Variants in MOB3B observed in about 807,000 individuals in gnomAD.
MOB3B encodes the protein MOB kinase activator-like 2B.
Under a neutral mutation model 18.7 loss-of-function variants are expected in MOB3B, and 7 were observed. The ratio of observed to expected loss-of-function variants is 0.37; its 90% CI spans 0.21 to 0.70. The LOEUF (loss-of-function observed/expected upper bound fraction) is 0.70. Ranked by LOEUF, MOB3B falls within the 30% of genes least tolerant of loss-of-function variation. The pLI is 0.52. For synonymous variants in MOB3B, 111 were observed against 99.9 expected (o/e 1.11, Z -0.66); for missense variants, 253 against 281.3 (o/e 0.90, Z 0.72).
intron 1 of MOB3B, among the ~76,000 whole-genome samples, chr9:27,490,748 G>C (rs569088468): frequency 1.2e-4 from 18 of 152,256 alleles, no homozygotes; most frequent in Middle Eastern, 3.4e-3. Context: ...TCACTCCAGT[G>C]CTCTTTACAC....
chr9:27,475,975 C>G (rs1208798626), intron 1 of MOB3B, among the ~76,000 whole-genome samples: 1 of 152,220 alleles, frequency 6.6e-6, no homozygotes, highest in African/African-American at 2.4e-5. Flanking sequence ...AATCAGGCCA[C>G]TGCCCTCTTC....
At chr9:27,483,718 G>A (rs2131480769) in intron 1 of MOB3B, among the ~76,000 whole-genome samples, 1 of 152,254 alleles carries the variant, frequency 6.6e-6, no homozygotes, top group East Asian at 1.9e-4. Context: ...GTTATGTTTG[G>A]TATGCTCGTG....
chr9:27,452,939 T>C (rs2131446674), intron 2 of MOB3B, among the ~76,000 whole-genome samples: 1 of 152,272 alleles, frequency 6.6e-6, no homozygotes, highest in East Asian at 1.9e-4. Flanking sequence ...AAAGCGTAAA[T>C]TCAAGAGATA....
At chr9:27,347,262 G>C (rs1821041207) in intron 3 of MOB3B, among the ~76,000 whole-genome samples, 1 of 152,234 alleles carries the variant, frequency 6.6e-6, no homozygotes, top group South Asian at 2.1e-4. Flanking sequence ...GCAAATTATA[G>C]AACCTGTGTG....
rs1434316980 is a variant in MOB3B at position 27,474,824 on chromosome 9, C to T, written c.-198-19076G>A. On this transcript the variant is annotated intron_variant, in intron 1 of 3. Transcript: ENST00000262244. Reference sequence around the variant, plus strand: ...TATATGAAATGTTAAAACATGCGTACTTTTTCCCTCAGCAAACCCACCTTT... The same window carrying T: ...TATATGAAATGTTAAAACATGCGTATTTTTTCCCTCAGCAAACCCACCTTT... Among the ~76,000 whole-genome samples, 3 of 152,198 alleles carry T rather than the reference C, an allele frequency of 2.0e-5. No homozygotes were observed. The South Asian group carries it at 6.2e-4, about 31-fold the overall frequency.
chr9:27,466,488 C>T (rs965221244), intron 1 of MOB3B, among the ~76,000 whole-genome samples: 2 of 152,238 alleles, frequency 1.3e-5, no homozygotes, highest in Non-Finnish European at 2.9e-5. Context: ...TCCAAAGTCA[C>T]TTCCACATTT....
intron 2 of MOB3B, among the ~76,000 whole-genome samples, chr9:27,408,295 G>A (rs568093474): frequency 6.6e-6 from 1 of 152,260 alleles, no homozygotes; most frequent in African/African-American, 2.4e-5. Context: ...GGGAAATTGG[G>A]AGTGAAAGTA....
intron 2 of MOB3B, among the ~76,000 whole-genome samples, chr9:27,419,766 C>A (rs377523030): frequency 1.3e-5 from 2 of 152,088 alleles, no homozygotes; most frequent in African/African-American, 4.8e-5. Context: ...TGACCAAGAA[C>A]CCAAAAGCAA....
intron 1 of MOB3B, among the ~76,000 whole-genome samples, chr9:27,457,682 G>A (rs904412078): frequency 2.0e-5 from 3 of 147,686 alleles, no homozygotes; most frequent in Non-Finnish European, 4.5e-5. Context: ...TGCCATATCC[G>A]CAAGGTGGGT....
chr9:27,372,075 C>G (rs1213280575), intron 2 of MOB3B, among the ~76,000 whole-genome samples: 1 of 152,062 alleles, frequency 6.6e-6, no homozygotes, highest in Non-Finnish European at 1.5e-5. Context: ...ATCTTGGTTT[C>G]CAACATCATT....
chr9:27,507,012 T>A (rs565233769), intron 1 of MOB3B, among the ~76,000 whole-genome samples: 2 of 152,218 alleles, frequency 1.3e-5, no homozygotes, highest in East Asian at 3.9e-4. Flanking sequence ...AGTCTTATGA[T>A]GTAGTATTGC....
intron 1 of MOB3B, among the ~76,000 whole-genome samples, chr9:27,528,519 A>G (rs2453551): frequency 0.027 from 4,077 of 152,294 alleles, 168 homozygotes; most frequent in African/African-American, 0.092. Context: ...CCGCCCTCTA[A>G]CCACAAGGGC....
At chr9:27,344,896 C>A (rs919680258) in intron 3 of MOB3B, among the ~76,000 whole-genome samples, 23 of 152,238 alleles carry the variant, frequency 1.5e-4, no homozygotes, top group Non-Finnish European at 1.2e-4. Context: ...TAGGCACATA[C>A]AATAACAAAG....
rs568147128 is a variant in MOB3B, at chr9:27,503,685, T to C, written c.-199+25870A>G. The stretch of plus-strand genomic sequence containing the variant: ...ATAATCAGGGTAGTGGACCCTGTAA[T>C]GTGCCATCAGATTCCTTTAGGACTA... On this transcript the variant is annotated intron_variant, in intron 1 of 3. Transcript: ENST00000262244. 6.6e-5 allele frequency among the ~76,000 whole-genome samples: 10 copies of C among 152,376 alleles called. No homozygotes were observed. The South Asian group carries it at 2.1e-3, about 32-fold the overall frequency.
intron 1 of MOB3B, among the ~76,000 whole-genome samples, chr9:27,523,172 A>G (rs1030327133): frequency 6.6e-6 from 1 of 152,096 alleles, no homozygotes; most frequent in South Asian, 2.1e-4. Context: ...ATGACAATCC[A>G]TTTTATTTTC....
intron 1 of MOB3B, among the ~76,000 whole-genome samples, chr9:27,483,268 G>C (rs528127722): frequency 1.6e-4 from 24 of 151,852 alleles, no homozygotes; most frequent in Non-Finnish European, 2.5e-4. Flanking sequence ...GAGTAGCTGG[G>C]ACTACAGGCG....
At chr9:27,475,422 A>G (rs1819539309) in intron 1 of MOB3B, among the ~76,000 whole-genome samples, 1 of 152,256 alleles carries the variant, frequency 6.6e-6, no homozygotes. Flanking sequence ...TTCTGTTATG[A>G]AGCAATAGAT....
chr9:27,426,559 C>T (rs534011178), intron 2 of MOB3B, among the ~76,000 whole-genome samples: 14 of 152,312 alleles, frequency 9.2e-5, no homozygotes, highest in South Asian at 6.2e-4. Context: ...TTCTGAAGCT[C>T]GCTCCAGAGC....
Position 27,326,439 on chromosome 9 carries a change from C to T in MOB3B, c.*4148G>A. On this transcript the variant is annotated 3_prime_UTR_variant, in exon 4 of 4. Coordinates refer to ENST00000262244, the MANE Select transcript of MOB3B (RefSeq NM_024761.5). ...TCTTTGGACCTTTCTAAAAGTGGGA[C>T]ACTAGAAAAGATATACTGAAACTCA... 2.5e-6 allele frequency: 1 copy of T among 398,480 alleles called. No homozygotes were observed. The highest frequency in any genetic ancestry group is 4.4e-6 in the Non-Finnish European group (1 of 226,024). 24.7% of individuals were successfully genotyped at this position (398,480 alleles called of 1,614,324 possible).
Sources: allele counts gnomAD v4.1 joint callset (sites outside exome capture counted in the v4.1 genomes callset), GRCh38; gene constraint gnomAD v4.1.1; transcripts MANE v1.5; gene names NCBI Gene and HGNC (gene_info 2026-07-23, HGNC 2026-07-21).